The following NKAIN3 variants were observed in gnomAD, a reference collection of about 807,000 sequenced individuals.
NKAIN3 encodes sodium/potassium transporting ATPase interacting 3.
Under a neutral mutation model 30.2 loss-of-function variants are expected in NKAIN3, and 25 were observed. That is an observed-to-expected ratio of 0.83 (90% CI 0.60 to 1.16). The LOEUF is 1.16. NKAIN3 is among the 50% of genes most tolerant of loss of function. The probability of loss-of-function intolerance (pLI) is 0.00; values close to 1 mark genes in which losing one functional copy is unlikely to be tolerated. For missense variants in NKAIN3, 225 were observed against 254.1 expected (o/e 0.89, Z 0.78); for synonymous variants, 91 against 89.6 (o/e 1.02, Z -0.09).
chr8:62,920,524 A>T (rs981998408), intron 5 of NKAIN3, among the ~76,000 whole-genome samples: 2 of 152,194 alleles, frequency 1.3e-5, no homozygotes, highest in Non-Finnish European at 2.9e-5. Context: ...ACTTTCTATT[A>T]GCCTTCTTTT....
chr8:62,783,340 G>C (rs1193010687), intron 4 of NKAIN3, among the ~76,000 whole-genome samples: 4 of 152,114 alleles, frequency 2.6e-5, no homozygotes, highest in African/African-American at 9.7e-5. Context: ...GAAATCAGCA[G>C]TCTGCAGCCT....
At chr8:62,335,196 A>T (rs879816663) in intron 1 of NKAIN3, among the ~76,000 whole-genome samples, 5 of 151,998 alleles carry the variant, frequency 3.3e-5, no homozygotes, top group Non-Finnish European at 7.4e-5. Context: ...GCATTTTGGG[A>T]GGCTGAGGCA....
chr8:62,902,820 G>T lies in NKAIN3; in HGVS notation c.472-15633G>T, dbSNP rs184785365. On this transcript the variant is annotated intron_variant, in intron 4 of 6. Coordinates refer to ENST00000623646, the MANE Select transcript of NKAIN3 (RefSeq NM_001304533.3). ...AATTTGGCAATGTACACTTAGAAAA[G>T]TCCTACATGAAATGATCTACTTAAA... 1.6e-3 allele frequency among the ~76,000 whole-genome samples: 240 copies of T among 152,240 alleles called. 6 individuals are homozygous for T. The highest frequency in any genetic ancestry group is 1.0e-4 in the Non-Finnish European group (7 of 68,024).
chr8:62,937,139 CTTGACCACA>C (rs1163740069), intron 5 of NKAIN3, among the ~76,000 whole-genome samples: 1 of 152,080 alleles, frequency 6.6e-6, no homozygotes, highest in Admixed American at 6.6e-5. Flanking sequence ...AAAAACTATT[CTTGACCACA>C]TTGCAAAGAA....
intron 1 of NKAIN3, among the ~76,000 whole-genome samples, chr8:62,548,715 T>C (rs1167592688): frequency 2.0e-5 from 3 of 151,740 alleles, no homozygotes; most frequent in Non-Finnish European, 4.4e-5. Context: ...GATATAATAG[T>C]GTACTTTTTA....
intron 3 of NKAIN3, among the ~76,000 whole-genome samples, chr8:62,738,427 C>T (rs1223037568): frequency 1.3e-5 from 2 of 152,012 alleles, no homozygotes; most frequent in African/African-American, 2.4e-5. Flanking sequence ...TGGTGAAACC[C>T]TGTCTCTACT....
chr8:62,931,971 G>T (rs1397188308), intron 5 of NKAIN3, among the ~76,000 whole-genome samples: 1 of 152,110 alleles, frequency 6.6e-6, no homozygotes, highest in African/African-American at 2.4e-5. Flanking sequence ...TTGATTGGCT[G>T]TATTTCTCTC....
At chr8:62,877,799 G>T (rs1335465012) in intron 4 of NKAIN3, among the ~76,000 whole-genome samples, 2 of 152,132 alleles carry the variant, frequency 1.3e-5, no homozygotes, top group African/African-American at 4.8e-5. Context: ...CCAGCACTTT[G>T]GGAGGCTGAG....
At chr8:62,366,071 C>T (rs569417071) in intron 1 of NKAIN3, among the ~76,000 whole-genome samples, 5 of 152,254 alleles carry the variant, frequency 3.3e-5, no homozygotes, top group Admixed American at 1.3e-4. Context: ...CTTATTCAAT[C>T]TCCTTACTCA....
intron 4 of NKAIN3, among the ~76,000 whole-genome samples, chr8:62,917,274 T>C (rs1213832932): frequency 1.3e-5 from 2 of 152,144 alleles, no homozygotes; most frequent in Non-Finnish European, 2.9e-5. Flanking sequence ...CCAAGCCCCA[T>C]GCTTCCCAAA....
intron 1 of NKAIN3, among the ~76,000 whole-genome samples, chr8:62,525,002 C>G (rs1057086476): frequency 6.6e-6 from 1 of 152,142 alleles, no homozygotes; most frequent in African/African-American, 2.4e-5. Context: ...GTTCTGTCAA[C>G]TCTCTTTGAA....
intron 3 of NKAIN3, among the ~76,000 whole-genome samples, chr8:62,644,460 A>G (rs1812398531): frequency 1.3e-5 from 2 of 152,112 alleles, no homozygotes; most frequent in South Asian, 4.1e-4. Context: ...TCAAAATGAC[A>G]CTTTTAGACT....
intron 1 of NKAIN3, among the ~76,000 whole-genome samples, chr8:62,370,169 G>T (rs1816862523): frequency 6.6e-6 from 1 of 151,984 alleles, no homozygotes; most frequent in African/African-American, 2.4e-5. Flanking sequence ...ATCTCTGTCA[G>T]CATTGAAATT....
chr8:62,274,304 T>G (rs1812866151), intron 1 of NKAIN3, among the ~76,000 whole-genome samples: 1 of 152,320 alleles, frequency 6.6e-6, no homozygotes, highest in Admixed American at 6.5e-5. Context: ...GAAGTCTTTT[T>G]TGTTACTGCC....
chr8:62,864,914 C>T (rs1820372067), intron 4 of NKAIN3, among the ~76,000 whole-genome samples: 1 of 152,088 alleles, frequency 6.6e-6, no homozygotes, highest in African/African-American at 2.4e-5. Context: ...AGCACCCCTG[C>T]GGACATCTGG....
chr8:62,456,435 C>T (rs1226791570), intron 1 of NKAIN3, among the ~76,000 whole-genome samples: 3 of 151,742 alleles, frequency 2.0e-5, no homozygotes, highest in South Asian at 4.2e-4. Flanking sequence ...AGGAGAATGG[C>T]GTGAACCTGT....
intron 1 of NKAIN3, among the ~76,000 whole-genome samples, chr8:62,387,570 A>T (rs1289765624): frequency 6.6e-6 from 1 of 152,200 alleles, no homozygotes; most frequent in Admixed American, 6.5e-5. Context: ...AGAATAGATC[A>T]TGTGTGTTCA....
At position 62,972,512 on chromosome 8, in the gene NKAIN3, AT is replaced by A. The variant is rs1423705635; in HGVS notation, c.*7112del. On this transcript the variant is annotated 3_prime_UTR_variant, in exon 7 of 7. Transcript: ENST00000623646. ...AACATCAATAATTAAACTTCCCAAG[AT>A]TTTTTTGTCTCTCTCTGAATCAAGT... is the stretch of plus-strand genomic sequence containing the variant. 6.6e-6 allele frequency among the ~76,000 whole-genome samples: 1 copy of A among 152,038 alleles called. No homozygotes were observed. The highest frequency in any genetic ancestry group is 1.5e-5 in the Non-Finnish European group (1 of 67,996).
chr8:62,498,835 A>T (rs1278903106), intron 1 of NKAIN3, among the ~76,000 whole-genome samples: 1 of 151,984 alleles, frequency 6.6e-6, no homozygotes, highest in East Asian at 1.9e-4. Context: ...GGGAGGACTG[A>T]CATGAAGCAA....
Sources: allele counts gnomAD v4.1 joint callset (sites outside exome capture counted in the v4.1 genomes callset), GRCh38; gene constraint gnomAD v4.1.1; transcripts MANE v1.5; gene names NCBI Gene and HGNC (gene_info 2026-07-23, HGNC 2026-07-21).